DPP10: variants seen among roughly 807,000 people sequenced by gnomAD.
DPP10 encodes the protein inactive dipeptidyl peptidase 10.
A neutral mutation model predicts 120.9 loss-of-function variants in DPP10; 33 were observed. That is an observed-to-expected ratio of 0.27 (90% CI 0.21 to 0.37). The LOEUF (loss-of-function observed/expected upper bound fraction) is 0.37. Among genes scored for constraint, DPP10 ranks in the 10% least tolerant of loss-of-function variants. The pLI is 1.00. For synonymous variants in DPP10, 337 were observed against 326.1 expected (o/e 1.03, Z -0.36); for missense variants, 816 against 942.8 (o/e 0.87, Z 1.76).
intron 1 of DPP10, among the ~76,000 whole-genome samples, chr2:114,916,032 TA>T (rs546840982): frequency 3.9e-4 from 59 of 149,510 alleles, no homozygotes; most frequent in African/African-American, 7.8e-4. Context: ...ATAAAAAAGA[TA>T]AAAAAAAAGT....
At chr2:115,130,501 T>TATCCATCC (rs56314226) in intron 1 of DPP10, among the ~76,000 whole-genome samples, 6,121 of 144,926 alleles carry the variant, frequency 0.042, 180 homozygotes, top group African/African-American at 0.078. Context: ...TCCATCCATC[T>TATCCATCC]ATCCATCCAT....
intron 5 of DPP10, among the ~76,000 whole-genome samples, chr2:115,589,790 A>T (rs994960804): frequency 6.6e-6 from 1 of 152,206 alleles, no homozygotes; most frequent in African/African-American, 2.4e-5. Context: ...TTAAAGTATA[A>T]GTAATATCCT....
intron 1 of DPP10, 59 bp downstream of exon 1, chr2:114,442,897 C>T (rs1677736967): frequency 6.3e-7 from 1 of 1,596,844 alleles, no homozygotes; most frequent in African/African-American, 1.3e-5. Flanking sequence ...CTACCTAACA[C>T]ATGGGCATTG....
At chr2:114,695,358 G>A (rs1436138213) in intron 1 of DPP10, among the ~76,000 whole-genome samples, 2 of 152,022 alleles carry the variant, frequency 1.3e-5, no homozygotes, top group Non-Finnish European at 2.9e-5. Context: ...TAGAGCGGGG[G>A]CCATTTGCCT....
intron 1 of DPP10, among the ~76,000 whole-genome samples, chr2:114,663,668 T>TATATATAGAG: frequency 2.4e-4 from 19 of 80,714 alleles, no homozygotes; most frequent in African/African-American, 5.6e-4. Flanking sequence ...TATATATATA[T>TATATATAGAG]AGAGAGAGAG....
intron 1 of DPP10, among the ~76,000 whole-genome samples, chr2:114,557,795 A>T (rs1688443787): frequency 6.6e-6 from 1 of 152,202 alleles, no homozygotes; most frequent in Non-Finnish European, 1.5e-5. Context: ...TTTTCAAGTA[A>T]TTGATGTATT....
At chr2:115,758,373 A>G (rs1679689438) in intron 11 of DPP10, among the ~76,000 whole-genome samples, 1 of 152,144 alleles carries the variant, frequency 6.6e-6, no homozygotes, top group Non-Finnish European at 1.5e-5. Flanking sequence ...AAAACTTTAA[A>G]TACACAATTA....
chr2:115,795,402 T>C (rs567256391), intron 19 of DPP10, among the ~76,000 whole-genome samples: 1 of 152,260 alleles, frequency 6.6e-6, no homozygotes, highest in Admixed American at 6.5e-5. Context: ...ATATGCTATC[T>C]TGCCTCCATG....
chr2:115,795,668 A>G (rs1278508845), intron 19 of DPP10, among the ~76,000 whole-genome samples: 2 of 152,176 alleles, frequency 1.3e-5, no homozygotes, highest in Admixed American at 1.3e-4. Flanking sequence ...TTCAAACAGC[A>G]TGATATAAGT....
chr2:115,344,135 C>CAAAAAA (rs751004918), intron 3 of DPP10, among the ~76,000 whole-genome samples: 10 of 49,240 alleles, frequency 2.0e-4, no homozygotes, highest in Non-Finnish European at 3.0e-4. Context: ...GACTCCATCT[C>CAAAAAA]AAAAAAAAAA....
chr2:115,626,549 T>C (rs1471434823), intron 5 of DPP10, among the ~76,000 whole-genome samples: 1 of 152,028 alleles, frequency 6.6e-6, no homozygotes, highest in Non-Finnish European at 1.5e-5. Flanking sequence ...TTAGCTCTTG[T>C]TTTTTATTAT....
chr2:114,652,983 A>T, intron 1 of DPP10, among the ~76,000 whole-genome samples: 1 of 144,138 alleles, frequency 6.9e-6, no homozygotes, highest in South Asian at 2.2e-4. Context: ...TTTCTCTCTC[A>T]TTGGAAGAGA....
intron 1 of DPP10, among the ~76,000 whole-genome samples, chr2:114,906,554 A>T (rs987818006): frequency 6.6e-6 from 1 of 152,080 alleles, no homozygotes; most frequent in Non-Finnish European, 1.5e-5. Context: ...CGTGTTCATT[A>T]ACTGTCATAA....
chr2:115,207,907 C>G (rs1323965143), intron 1 of DPP10, among the ~76,000 whole-genome samples: 1 of 151,942 alleles, frequency 6.6e-6, no homozygotes, highest in African/African-American at 2.4e-5. Flanking sequence ...AGTAAGCATA[C>G]TATTGCCTAG....
chr2:115,244,397 A>G (rs1386195803), intron 1 of DPP10, among the ~76,000 whole-genome samples: 1 of 151,904 alleles, frequency 6.6e-6, no homozygotes, highest in Non-Finnish European at 1.5e-5. Flanking sequence ...AGATGAAAGG[A>G]ATATAAAAAT....
intron 1 of DPP10, among the ~76,000 whole-genome samples, chr2:114,478,651 T>C (rs963947251): frequency 6.6e-6 from 1 of 152,050 alleles, no homozygotes; most frequent in South Asian, 2.1e-4. Flanking sequence ...TTATCTCCAT[T>C]TACAAATTTC....
At chr2:115,142,063 C>T (rs2050956803) in intron 1 of DPP10, among the ~76,000 whole-genome samples, 1 of 152,162 alleles carries the variant, frequency 6.6e-6, no homozygotes, top group South Asian at 2.1e-4. Context: ...CATGAGCCAG[C>T]ACGTGGGGCT....
At chr2:114,480,254 A>T (rs79531202) in intron 1 of DPP10, among the ~76,000 whole-genome samples, 1 of 150,766 alleles carries the variant, frequency 6.6e-6, no homozygotes, top group South Asian at 2.1e-4. Flanking sequence ...TTACACTGTT[A>T]GTGGGACTGT....
At chr2:115,145,215 A>T (rs2051156827) in intron 1 of DPP10, among the ~76,000 whole-genome samples, 1 of 152,178 alleles carries the variant, frequency 6.6e-6, no homozygotes, top group African/African-American at 2.4e-5. Context: ...AAGGCTTTTG[A>T]TTAATGTATA....
Sources: gnomAD v4.1 joint callset for allele counts (sites outside exome capture counted in the v4.1 genomes callset) on GRCh38, gnomAD v4.1.1 for gene constraint, MANE v1.5 for transcripts, NCBI Gene and HGNC (gene_info 2026-07-23, HGNC 2026-07-21) for gene names.